The following CDH19 variants were observed in gnomAD, a reference collection of about 807,000 sequenced individuals.
CDH19 encodes cadherin 19, also known as cadherin-19.
Under a neutral mutation model 64.2 loss-of-function variants are expected in CDH19, and 67 were observed. The observed-to-expected ratio is 1.04, with a 90% CI of 0.86 to 1.28. The LOEUF (loss-of-function observed/expected upper bound fraction) is 1.28. Among genes scored for constraint, CDH19 ranks in the 50% most tolerant of loss-of-function variants. The pLI is 0.00. For missense variants in CDH19, 1,030 were observed against 929.0 expected (o/e 1.11, Z -1.41); for synonymous variants, 346 against 319.3 (o/e 1.08, Z -0.89).
intron 1 of CDH19, among the ~76,000 whole-genome samples, chr18:66,600,763 G>T (rs72936301): frequency 0.12 from 18,092 of 151,714 alleles, 1,371 homozygotes; most frequent in Middle Eastern, 0.2. Context: ...ACATCAATAC[G>T]CTTATTTATT....
intron 2 of CDH19, among the ~76,000 whole-genome samples, chr18:66,571,375 A>G (rs1988098015): frequency 6.6e-6 from 1 of 151,692 alleles, no homozygotes; most frequent in African/African-American, 2.4e-5. Flanking sequence ...TCATTTATCT[A>G]GAGAAAAAGC....
At chr18:66,572,920 GT>G (rs1988151747) in intron 1 of CDH19, among the ~76,000 whole-genome samples, 1 of 151,636 alleles carries the variant, frequency 6.6e-6, no homozygotes, top group African/African-American at 2.4e-5. Flanking sequence ...GGGAAGAAGT[GT>G]TTATCAGCTT....
At chr18:66,536,628 C>T (rs923334032) in intron 7 of CDH19, among the ~76,000 whole-genome samples, 10 of 151,562 alleles carry the variant, frequency 6.6e-5, no homozygotes, top group African/African-American at 9.7e-5. Context: ...GGTTCAGTTC[C>T]CATTAATTAA....
intron 8 of CDH19, 139 bp downstream of exon 8, chr18:66,534,847 C>A (rs1986595660): frequency 2.1e-6 from 1 of 475,090 alleles, no homozygotes; most frequent in African/African-American, 2.0e-5. Context: ...ATAAAATACG[C>A]AAGTACACAC....
chr18:66,582,469 T>C (rs1218082482), intron 1 of CDH19, among the ~76,000 whole-genome samples: 2 of 151,920 alleles, frequency 1.3e-5, no homozygotes, highest in Non-Finnish European at 2.9e-5. Context: ...GTGGATACAG[T>C]TTGCATACAT....
intron 7 of CDH19, 33 bp from the exon 8 acceptor site, chr18:66,535,140 T>C (rs1297349211): frequency 1.5e-6 from 2 of 1,332,954 alleles, no homozygotes; most frequent in Non-Finnish European, 2.0e-6. Context: ...CTTAATATTT[T>C]TATTCTATCT....
chr18:66,571,334 CCAGTTAATTAG>C (rs1988095866), intron 2 of CDH19, among the ~76,000 whole-genome samples: 1 of 151,448 alleles, frequency 6.6e-6, no homozygotes, highest in Non-Finnish European at 1.5e-5. Context: ...AATTTTAGTG[CCAGTTAATTAG>C]CGGTTAAACT....
rs539548833 is a variant in CDH19, at chr18:66,568,335, A to C, written c.490+81T>G. ...AAGTTCTAGTATAGACCCTTAAATC[A>C]TCTACTTCCAAAACATATCCTTCAA... On this transcript the variant is annotated intron_variant, in intron 3 of 11. Coordinates refer to ENST00000262150, the MANE Select transcript of CDH19 (RefSeq NM_021153.4). 1.4e-4 allele frequency: 150 copies of C among 1,083,302 alleles called. No homozygotes were observed. The African/African-American group carries it at 2.2e-3, about 16-fold the overall frequency. 67.1% of individuals were successfully genotyped at this position (1,083,302 alleles called of 1,614,324 possible). A position where few individuals can be genotyped will look rare whatever the true frequency, so the allele number is the denominator to read the frequency against.
chr18:66,508,121 T>G (rs1032663027), intron 11 of CDH19, among the ~76,000 whole-genome samples: 1 of 151,904 alleles, frequency 6.6e-6, no homozygotes, highest in Non-Finnish European at 1.5e-5. Context: ...GATAACATTA[T>G]ACTAAATGAA....
At chr18:66,569,704 A>G (rs1988038972) in intron 2 of CDH19, among the ~76,000 whole-genome samples, 1 of 151,744 alleles carries the variant, frequency 6.6e-6, no homozygotes, top group Non-Finnish European at 1.5e-5. Flanking sequence ...TTTTCATATC[A>G]GAATTATTTG....
At chr18:66,514,283 C>T (rs897871351) in intron 9 of CDH19, among the ~76,000 whole-genome samples, 1 of 151,148 alleles carries the variant, frequency 6.6e-6, no homozygotes, top group East Asian at 1.9e-4. Flanking sequence ...CAAAATGATA[C>T]CGTAAAAGAC....
intron 6 of CDH19, 141 bp downstream of exon 6, chr18:66,544,578 T>C (rs888872919): frequency 1.7e-6 from 1 of 590,928 alleles, no homozygotes; most frequent in Non-Finnish European, 2.8e-6. Flanking sequence ...CTCTCATCTC[T>C]AAAATCCTTG....
At chr18:66,564,752 A>G (rs370741638) in intron 3 of CDH19, among the ~76,000 whole-genome samples, 2 of 151,886 alleles carry the variant, frequency 1.3e-5, no homozygotes, top group East Asian at 3.9e-4. Flanking sequence ...TGGCTAAAGC[A>G]TGTTTCACTT....
At chr18:66,530,044 A>T in intron 8 of CDH19, 78 bp from the exon 9 acceptor site, 1 of 659,212 alleles carries the variant, frequency 1.5e-6, no homozygotes, top group Non-Finnish European at 2.3e-6. Context: ...AAATTACATT[A>T]GAGGCTACGT....
intron 9 of CDH19, among the ~76,000 whole-genome samples, chr18:66,523,583 A>G (rs1292667199): frequency 1.5e-5 from 2 of 131,824 alleles, no homozygotes; most frequent in Non-Finnish European, 3.1e-5. Context: ...CTGCGTTGCC[A>G]GGTCTGGAGC....
chr18:66,544,061 T>C lies in CDH19; in HGVS notation c.1124A>G (p.Tyr375Cys). ...DEPPLFLLPY[Y>C]VFEVFEETPQ... Reference sequence around the variant, plus strand: ...GGTTTCTTCAAAAACTTCAAATACATAATATGGAAGGAGGAAAAGAGGAGG... The same window carrying C: ...GGTTTCTTCAAAAACTTCAAATACACAATATGGAAGGAGGAAAAGAGGAGG... Residue 375 changes from tyrosine to cysteine, a missense_variant, in exon 7 of 12, where the codon TAT becomes TGT. Tyr to Cys is a radical substitution (Grantham distance 194). Coordinates refer to ENST00000262150, the MANE Select transcript of CDH19 (RefSeq NM_021153.4). 1 of 1,613,622 alleles carries C rather than the reference T, an allele frequency of 6.2e-7. No homozygotes were observed.
chr18:66,501,741 A>G lies in CDH19; in HGVS notation c.*3071T>C, dbSNP rs1984951630. 1 of 152,116 alleles carries G rather than the reference A, an allele frequency of 6.6e-6. No individual in the cohort carries two copies. Among genetic ancestry groups the G allele is most frequent in the Admixed American group, 6.6e-5 (1 of 15,248 alleles). The allele number at this position is 152,116 out of a possible 1,614,324, so 9.4% of individuals were successfully genotyped here. A position where few individuals can be genotyped will look rare whatever the true frequency, so the allele number is the denominator to read the frequency against. ...GCTGGTTTTACATATCTTATTATTA[A>G]TTCTTCATAACAACCATGTGAAATA... On this transcript the variant is annotated 3_prime_UTR_variant, in exon 12 of 12. Transcript: ENST00000262150.
intron 9 of CDH19, among the ~76,000 whole-genome samples, chr18:66,520,110 G>A (rs531849461): frequency 2.0e-5 from 3 of 151,998 alleles, no homozygotes; most frequent in Admixed American, 6.6e-5. Context: ...GCTTGAACTC[G>A]GGAGGCAGAG....
intron 5 of CDH19, among the ~76,000 whole-genome samples, chr18:66,549,862 T>C (rs933993312): frequency 2.0e-5 from 3 of 152,012 alleles, no homozygotes; most frequent in Admixed American, 1.3e-4. Context: ...AAAAGCAAAT[T>C]TGTATGATGC....
Sources: allele counts gnomAD v4.1 joint callset (sites outside exome capture counted in the v4.1 genomes callset), GRCh38; gene constraint gnomAD v4.1.1; transcripts MANE v1.5; gene names NCBI Gene and HGNC (gene_info 2026-07-23, HGNC 2026-07-21).